Variants in ATG2B observed in about 807,000 individuals in gnomAD.
ATG2B encodes the protein autophagy-related protein 2 homolog B.
ATG2B carries 121 observed loss-of-function variants against 241.3 expected under a neutral mutation model. The ratio of observed to expected loss-of-function variants is 0.50; its 90% CI spans 0.43 to 0.58. The LOEUF (loss-of-function observed/expected upper bound fraction) is 0.58, where lower values mean the gene tolerates loss of function less well. Among genes scored for constraint, ATG2B ranks in the 20% least tolerant of loss-of-function variants. The pLI, the probability that ATG2B is intolerant of heterozygous loss-of-function variation, is 0.00. For missense variants in ATG2B, 2,306 were observed against 2,491.6 expected (o/e 0.93, Z 1.59); for synonymous variants, 858 against 876.6 (o/e 0.98, Z 0.37).
chr14:96,291,057 C>A, intron 38 of ATG2B, 122 bp from the exon 39 acceptor site: 1 of 775,742 alleles, frequency 1.3e-6, no homozygotes, highest in Non-Finnish European at 2.0e-6. Context: ...ATTACAGGTG[C>A]TTCAAAAACA....
Position 96,295,055 on chromosome 14 carries a change from A to G in ATG2B, c.5331T>C (p.Asn1777=). ...CCACTTCCACTGAATTGGCACTATC[A>G]TTTTGGGAAGGCTGTTTTGGCCCAG... The part of the protein sequence containing the change: ...SFSGPKQPSQ[N]DSANSVEVVN... The change falls in exon 36 of 42, where the codon AAT becomes AAC. Residue 1777 remains asparagine, a synonymous_variant. Coordinates refer to ENST00000359933, the MANE Select transcript of ATG2B (RefSeq NM_018036.7). 6.2e-7 allele frequency: 1 copy of G among 1,614,218 alleles called. No homozygotes were observed. The highest frequency in any genetic ancestry group is 8.5e-7 in the Non-Finnish European group (1 of 1,180,040).
At position 96,317,687 on chromosome 14, in the gene ATG2B, A is replaced by C. The variant is rs1887351533; in HGVS notation, c.3037+11T>G. The C allele has an allele frequency of 6.4e-7, 1 of 1,565,158 alleles. No individual in the cohort carries two copies. Among genetic ancestry groups the C allele is most frequent in the Non-Finnish European group, 8.7e-7 (1 of 1,150,828 alleles). On this transcript the variant is annotated intron_variant, in intron 19 of 41. Transcript: ENST00000359933. ...GGCATTTTAAATCAAAACAAATTAA[A>C]AATATATTACCATAGTGAACTGCAG...
At chr14:96,291,104 T>C (rs1320450626) in intron 38 of ATG2B, among the ~76,000 whole-genome samples, 169 bp from the exon 39 acceptor site, 2 of 152,156 alleles carry the variant, frequency 1.3e-5, no homozygotes. Flanking sequence ...ACACAAATCA[T>C]CCTTTTAACT....
chr14:96,304,509 T>A lies in ATG2B; in HGVS notation c.4828A>T (p.Ile1610Leu). The A allele has an allele frequency of 6.2e-7, 1 of 1,613,256 alleles. No individual in the cohort carries two copies. Among genetic ancestry groups the A allele is most frequent in the Non-Finnish European group, 8.5e-7 (1 of 1,179,444 alleles). ...TGCCATCTTACCTTGCTTAGCTGTA[T>A]TTCCATTAAAAAGTCATGGTTCCTT... ...KGRNHDFLME[I>L]QLSKVKFQHE... Residue 1610 changes from isoleucine (I) to leucine (L), a missense_variant, in exon 32 of 42, where the codon ATA (isoleucine) becomes TTA (leucine). This residue lies in a region of ATG2B where 1,927 missense variants were observed against 2,011.2 expected (regional missense o/e 0.96). Transcript: ENST00000359933.
chr14:96,315,029 C>G, intron 23 of ATG2B, 125 bp downstream of exon 23: 1 of 702,080 alleles, frequency 1.4e-6, no homozygotes. Flanking sequence ...GTGGTGACAC[C>G]GTAGTATTCA....
At chr14:96,307,303 T>C (rs1042300458) in intron 29 of ATG2B, among the ~76,000 whole-genome samples, 1 of 152,148 alleles carries the variant, frequency 6.6e-6, no homozygotes, top group Non-Finnish European at 1.5e-5. Context: ...CCCAGCTACC[T>C]GGGAGGCCGA....
Position 96,328,743 on chromosome 14 carries a change from T to C in ATG2B, c.1905A>G (p.Glu635=). 6.2e-7 allele frequency: 1 copy of C among 1,611,524 alleles called. No homozygotes were observed. The highest frequency in any genetic ancestry group is 1.3e-5 in the African/African-American group (1 of 74,946). Reference sequence around the variant, plus strand: ...ACACAGGGGAATGGGAACCAGTTTCTTCTTTGGAATGGAACGTTAAAAGCT... The same window carrying C: ...ACACAGGGGAATGGGAACCAGTTTCCTCTTTGGAATGGAACGTTAAAAGCT... ...YTELLTFHSK[E]ETGSHSPVCL... is the part of the protein sequence containing the mutation. Residue 635 remains glutamate, a synonymous_variant, in exon 13 of 42, where the codon GAA becomes GAG. Transcript: ENST00000359933.
At chr14:96,326,231 A>T (rs1271960162) in intron 14 of ATG2B, among the ~76,000 whole-genome samples, 2 of 152,202 alleles carry the variant, frequency 1.3e-5, no homozygotes, top group Admixed American at 1.3e-4. Flanking sequence ...ATTTATAAAG[A>T]ATACGGTGTA....
intron 27 of ATG2B, 116 bp downstream of exon 27, chr14:96,311,426 T>G: frequency 8.6e-7 from 1 of 1,163,742 alleles, no homozygotes; most frequent in South Asian, 1.5e-5. Flanking sequence ...AAATCCATTT[T>G]TAATATACTT....
chr14:96,341,684 G>T lies in ATG2B; in HGVS notation c.762C>A (p.Leu254=), dbSNP rs942935989. The change falls in exon 6 of 42, where the codon CTC becomes CTA. Residue 254 remains leucine, a synonymous_variant. Transcript: ENST00000359933. ...TAATTTTGGGGTTCCAGCTAGGTGA[G>T]AGCTTTGGCTCAGTTTCCTACAATA... The part of the protein sequence containing the change: ...STAPVETEPK[L]SPSWNPKIIY... 4.4e-6 allele frequency: 7 copies of T among 1,577,100 alleles called. No individual in the cohort carries two copies. The African/African-American group carries it at 8.1e-5, about 18-fold the overall frequency.
At chr14:96,351,907 A>AAG (rs1376713639) in intron 1 of ATG2B, among the ~76,000 whole-genome samples, 1 of 151,330 alleles carries the variant, frequency 6.6e-6, no homozygotes, top group Non-Finnish European at 1.5e-5. Flanking sequence ...GTCTCAAAAA[A>AAG]AAAAAAAAGA....
intron 19 of ATG2B, 85 bp from the exon 20 acceptor site, chr14:96,317,402 C>G: frequency 1.2e-5 from 14 of 1,197,560 alleles, no homozygotes; most frequent in Non-Finnish European, 1.5e-5. Flanking sequence ...TTTATATAAC[C>G]TGCTTAGTTT....
At chr14:96,286,102 A>G in intron 41 of ATG2B, 117 bp from the exon 42 acceptor site, 1 of 699,306 alleles carries the variant, frequency 1.4e-6, no homozygotes. Flanking sequence ...GTTTGTAACC[A>G]GACAAAAAAA....
Position 96,345,356 on chromosome 14 carries a change from T to C in ATG2B, c.355A>G (p.Ser119Gly), listed in dbSNP as rs1277586188. 5.0e-6 allele frequency: 8 copies of C among 1,612,438 alleles called. No individual in the cohort carries two copies. Among genetic ancestry groups the C allele is most frequent in the Admixed American group, 1.7e-5 (1 of 59,826 alleles). Residue 119 changes from serine to glycine, a missense_variant, in exon 3 of 42, where the codon AGT becomes GGT. Ser to Gly is a moderately conservative substitution (Grantham distance 56). Transcript: ENST00000359933. Reference protein sequence around the residue: ...ATGSEPMYWSSFMTSSMQLAK... With the variant: ...ATGSEPMYWSGFMTSSMQLAK... ...AATTGCATACTGCTGGTCATAAAAC[T>C]TGACCAATACATAGGCTCAGAACCA... is the stretch of plus-strand genomic sequence containing the variant.
Position 96,295,474 on chromosome 14 carries a change from T to C in ATG2B, c.5218+8A>G. On this transcript the variant is annotated splice_region_variant and intron_variant, in intron 35 of 41. Transcript: ENST00000359933. ...GGTATAGTCTTTTCAACTATACATA[T>C]TTAATACCTTCTGGATCTGGAGTCA... is the stretch of plus-strand genomic sequence containing the variant. 1 of 1,576,434 alleles carries C rather than the reference T, an allele frequency of 6.3e-7. No homozygotes were observed. Among genetic ancestry groups the C allele is most frequent in the East Asian group, 2.2e-5 (1 of 44,512 alleles).
intron 36 of ATG2B, among the ~76,000 whole-genome samples, chr14:96,293,845 C>T (rs539996298): frequency 3.3e-5 from 5 of 151,978 alleles, no homozygotes; most frequent in East Asian, 3.9e-4. Flanking sequence ...ACCCTACTTC[C>T]TCTGGGCTAA....
At chr14:96,294,335 TC>T (rs1171927890) in intron 36 of ATG2B, among the ~76,000 whole-genome samples, 2 of 152,068 alleles carry the variant, frequency 1.3e-5, no homozygotes, top group Non-Finnish European at 2.9e-5. Context: ...CAAGCCACCA[TC>T]CCTACCATCC....
chr14:96,290,462 T>C lies in ATG2B; in HGVS notation c.5830A>G (p.Thr1944Ala), dbSNP rs751856575. ...TGTATGGTTTGAACCATTCTGTTTG[T>C]GAGTTCTAGAGCAGCCATCGCTGTC... ...TSTAMAALEL[T>A]NRMVQTIQAA... The change falls in exon 40 of 42, where the codon ACA (threonine) becomes GCA (alanine). Residue 1944 changes from threonine (T) to alanine (A), a missense_variant. Physicochemically the swap from Thr to Ala is moderately conservative, Grantham distance 58 (BLOSUM62 0). Around this residue, in one of 2 missense-constraint regions of ATG2B, gnomAD observed 379 missense variants for 480.4 expected, o/e 0.79. Coordinates refer to ENST00000359933, the MANE Select transcript of ATG2B (RefSeq NM_018036.7). This position sits in a 1 kb window ranked among gnomAD's most constrained non-coding sequence, Gnocchi z 4.4. 2 of 1,614,200 alleles carry C rather than the reference T, an allele frequency of 1.2e-6. No individual in the cohort carries two copies. The highest frequency in any genetic ancestry group is 2.2e-5 in the South Asian group (2 of 91,082).
intron 6 of ATG2B, among the ~76,000 whole-genome samples, chr14:96,338,550 T>A (rs978114133): frequency 6.6e-6 from 1 of 152,150 alleles, no homozygotes; most frequent in South Asian, 2.1e-4. Context: ...AAACACCCCC[T>A]ATTCAATAAA....
Sources: allele counts gnomAD v4.1 joint callset (sites outside exome capture counted in the v4.1 genomes callset), GRCh38; gene constraint gnomAD v4.1.1; regional missense constraint gnomAD v4.1.1; non-coding constraint Gnocchi (gnomAD v3.1); transcripts MANE v1.5; gene names NCBI Gene and HGNC (gene_info 2026-07-23, HGNC 2026-07-21).